Variants in IL21R observed in about 807,000 individuals in gnomAD.
The protein encoded by IL21R is interleukin-21 receptor.
In IL21R, 14 loss-of-function variants were observed where a neutral mutation model predicts 41.3. That is an observed-to-expected ratio of 0.34 (90% CI 0.22 to 0.53). The LOEUF is 0.53. Among genes scored for constraint, IL21R ranks in the 20% least tolerant of loss-of-function variants. The pLI, the probability that IL21R is intolerant of heterozygous loss-of-function variation, is 0.94. For missense variants in IL21R, 588 were observed against 681.6 expected (o/e 0.86, Z 1.53); for synonymous variants, 286 against 287.6 (o/e 0.99, Z 0.05).
chr16:27,413,189 T>C (rs2141262929), intron 1 of IL21R, among the ~76,000 whole-genome samples: 1 of 152,312 alleles, frequency 6.6e-6, no homozygotes, highest in African/African-American at 2.4e-5. Context: ...ATTGAATTTT[T>C]TCAAATACTT....
At position 27,449,655 on chromosome 16, in the gene IL21R, C is replaced by T. The variant is rs932231781; in HGVS notation, c.*372C>T. ...GTTTGTGGTCAACAGATGACAACAG[C>T]CGTCCTCCCTCCTAGGGTCTTGTGT... On this transcript the variant is annotated 3_prime_UTR_variant, in exon 9 of 9. Coordinates refer to ENST00000337929, the MANE Select transcript of IL21R (RefSeq NM_181078.3). 2 of 288,870 alleles carry T rather than the reference C, an allele frequency of 6.9e-6. No homozygotes were observed. The highest frequency in any genetic ancestry group is 4.7e-5 in the Admixed American group (1 of 21,472). 17.9% of individuals were successfully genotyped at this position (288,870 alleles called of 1,614,324 possible).
Position 27,425,129 on chromosome 16 carries a change from G to A in IL21R, c.-16-4927G>A, listed in dbSNP as rs143842883. Among the ~76,000 whole-genome samples, 1,227 of 152,298 alleles carry A rather than the reference G, an allele frequency of 8.1e-3. 15 individuals are homozygous for A. Among genetic ancestry groups the A allele is most frequent in the Middle Eastern group, 0.068 (20 of 292 alleles). On this transcript the variant is annotated intron_variant, in intron 1 of 8. Coordinates refer to ENST00000337929, the MANE Select transcript of IL21R (RefSeq NM_181078.3). ...ACATTTCAACATGAGATTTGGGTGGGACAAATATCCAAACCATATCAAGGG... is the reference window on the plus strand; with the variant it reads ...ACATTTCAACATGAGATTTGGGTGGAACAAATATCCAAACCATATCAAGGG...
intron 1 of IL21R, among the ~76,000 whole-genome samples, chr16:27,406,537 T>G (rs982744007): frequency 6.6e-6 from 1 of 151,670 alleles, no homozygotes; most frequent in Non-Finnish European, 1.5e-5. Flanking sequence ...GAGAGAGAGA[T>G]AGGCTGAGAG....
intron 4 of IL21R, among the ~76,000 whole-genome samples, chr16:27,438,927 A>G (rs1409694683): frequency 2.8e-5 from 4 of 141,932 alleles, no homozygotes; most frequent in Non-Finnish European, 6.1e-5. Flanking sequence ...TGGCTTTGGC[A>G]TGGTGTGTGT....
At chr16:27,444,240 T>C (rs551530108) in intron 5 of IL21R, among the ~76,000 whole-genome samples, 3 of 152,044 alleles carry the variant, frequency 2.0e-5, no homozygotes, top group South Asian at 2.1e-4. Flanking sequence ...TGCCAGACCA[T>C]TACCACTCCT....
chr16:27,450,749 A>G lies in IL21R; in HGVS notation c.*1466A>G, dbSNP rs2239929. ...AGGCACACACCACCACGCCTGGCTA[A>G]TTTTTGTATTTTTAGTAGAGCTGGG... On this transcript the variant is annotated 3_prime_UTR_variant, in exon 9 of 9. Transcript: ENST00000337929. 0.33 allele frequency: 72,868 copies of G among 223,360 alleles called. 12,856 individuals are homozygous for G. Among genetic ancestry groups the G allele is most frequent in the African/African-American group, 0.48 (21,491 of 44,680 alleles). 13.8% of individuals were successfully genotyped at this position (223,360 alleles called of 1,614,324 possible). A position where few individuals can be genotyped will look rare whatever the true frequency, so the allele number is the denominator to read the frequency against.
intron 1 of IL21R, among the ~76,000 whole-genome samples, chr16:27,421,250 A>C (rs534934846): frequency 6.6e-6 from 1 of 150,746 alleles, no homozygotes; most frequent in East Asian, 2.0e-4. Context: ...TGACTCCTCC[A>C]ACTGTGTTCT....
At chr16:27,436,024 T>C (rs983727541) in intron 3 of IL21R, among the ~76,000 whole-genome samples, 8 of 152,170 alleles carry the variant, frequency 5.3e-5, no homozygotes, top group African/African-American at 1.9e-4. Flanking sequence ...CCGCCCACTG[T>C]ACCCGCCTTT....
At chr16:27,444,386 C>G (rs547086471) in intron 5 of IL21R, among the ~76,000 whole-genome samples, 156 bp from the exon 6 acceptor site, 1 of 152,224 alleles carries the variant, frequency 6.6e-6, no homozygotes, top group East Asian at 2.0e-4. Flanking sequence ...CTCCCCATGC[C>G]TGAGTCCAGC....
chr16:27,422,147 C>T (rs191048946), intron 1 of IL21R, among the ~76,000 whole-genome samples: 324 of 152,144 alleles, frequency 2.1e-3, no homozygotes, highest in Middle Eastern at 0.017. Context: ...GTTAAAAAGT[C>T]CCCTGCCAGT....
chr16:27,405,173 C>T (rs1161743028), intron 1 of IL21R, among the ~76,000 whole-genome samples: 1 of 152,036 alleles, frequency 6.6e-6, no homozygotes, highest in Non-Finnish European at 1.5e-5. Context: ...GCTGGGACTA[C>T]AGGCACCTGC....
chr16:27,418,480 T>C (rs2086937635), intron 1 of IL21R, among the ~76,000 whole-genome samples: 1 of 152,188 alleles, frequency 6.6e-6, no homozygotes, highest in Admixed American at 6.5e-5. Flanking sequence ...GCAATTCTCC[T>C]GTCTCAGCCT....
Position 27,448,857 on chromosome 16 carries a change from C to T in IL21R, c.1191C>T (p.Asp397=), listed in dbSNP as rs750369453. 36 of 1,612,744 alleles carry T rather than the reference C, an allele frequency of 2.2e-5. No individual in the cohort carries two copies. Among genetic ancestry groups the T allele is most frequent in the Admixed American group, 5.0e-5 (3 of 59,996 alleles). Residue 397 remains aspartate, a synonymous_variant, in exon 9 of 9, where the codon GAC becomes GAT. Transcript: ENST00000337929. ...CCTGGCCCTGCAGCTGTGAGGATGA[C>T]GGCTACCCAGCCCTGGACCTGGATG... ...PCTWPCSCED[D]GYPALDLDAG... is the part of the protein sequence containing the mutation.
At chr16:27,418,515 C>CAT (rs2086939034) in intron 1 of IL21R, among the ~76,000 whole-genome samples, 1 of 152,006 alleles carries the variant, frequency 6.6e-6, no homozygotes, top group African/African-American at 2.4e-5. Flanking sequence ...ACTACAGGTG[C>CAT]GCGCCACCAC....
intron 1 of IL21R, among the ~76,000 whole-genome samples, chr16:27,406,424 G>A (rs968954201): frequency 4.6e-5 from 7 of 152,076 alleles, no homozygotes; most frequent in East Asian, 1.9e-4. Context: ...CGGGTGCTGG[G>A]ACTGGGACCT....
At chr16:27,418,739 T>C (rs1207946142) in intron 1 of IL21R, among the ~76,000 whole-genome samples, 1 of 152,170 alleles carries the variant, frequency 6.6e-6, no homozygotes, top group Non-Finnish European at 1.5e-5. Context: ...ATAACAGTTA[T>C]CTTATTGTAA....
At position 27,451,745 on chromosome 16, in the gene IL21R, C is replaced by T. The variant is rs1596603861; in HGVS notation, c.*2462C>T. 6.1e-5 allele frequency: 14 copies of T among 229,594 alleles called. No homozygotes were observed. In the East Asian group the frequency reaches 8.6e-4, roughly 14 times the overall value. The allele number at this position is 229,594 out of a possible 1,614,324, so 14.2% of individuals were successfully genotyped here. ...TAAAAATAAAAGTTGGAGACAAGAGCTGGCTCACCTGAAAGGAGGGATTAG... is the reference window on the plus strand; with the variant it reads ...TAAAAATAAAAGTTGGAGACAAGAGTTGGCTCACCTGAAAGGAGGGATTAG... On this transcript the variant is annotated 3_prime_UTR_variant, in exon 9 of 9. Coordinates refer to ENST00000337929, the MANE Select transcript of IL21R (RefSeq NM_181078.3).
chr16:27,420,296 T>C (rs141576649), intron 1 of IL21R, among the ~76,000 whole-genome samples: 1 of 152,288 alleles, frequency 6.6e-6, no homozygotes, highest in African/African-American at 2.4e-5. Flanking sequence ...CACTAGACAA[T>C]AGGAATTATT....
intron 1 of IL21R, among the ~76,000 whole-genome samples, chr16:27,407,811 C>A (rs1354852409): frequency 3.3e-5 from 5 of 152,164 alleles, no homozygotes; most frequent in Non-Finnish European, 7.3e-5. Flanking sequence ...GGCAACAGAG[C>A]AAGACTCCAT....
Sources: allele counts gnomAD v4.1 joint callset (sites outside exome capture counted in the v4.1 genomes callset), GRCh38; gene constraint gnomAD v4.1.1; transcripts MANE v1.5; gene names NCBI Gene and HGNC (gene_info 2026-07-23, HGNC 2026-07-21).